IGSF21: variants seen among roughly 807,000 people sequenced by gnomAD.
The protein encoded by IGSF21 is immunoglobulin superfamily member 21.
In IGSF21, 28 loss-of-function variants were observed where a neutral mutation model predicts 46.8. The observed-to-expected ratio is 0.60, with a 90% confidence interval of 0.44 to 0.82. IGSF21 has a LOEUF of 0.82. IGSF21 is among the 40% of genes least tolerant of loss of function. The probability of loss-of-function intolerance (pLI) is 0.00; values close to 1 mark genes in which losing one functional copy is unlikely to be tolerated. For missense variants in IGSF21, 624 were observed against 665.5 expected, an observed-to-expected ratio of 0.94 and a Z score of 0.69; for synonymous variants, 284 against 273.6, an observed-to-expected ratio of 1.04 and a Z score of -0.38.
chr1:18,355,291 G>T (rs1282927161), intron 4 of IGSF21, among the ~76,000 whole-genome samples: 2 of 152,226 alleles, frequency 1.3e-5, no homozygotes, highest in Non-Finnish European at 2.9e-5. Flanking sequence ...GATTTACAGA[G>T]CAAAGAGGAG....
At chr1:18,154,266 G>A (rs1289738516) in intron 1 of IGSF21, among the ~76,000 whole-genome samples, 1 of 152,102 alleles carries the variant, frequency 6.6e-6, no homozygotes, top group East Asian at 1.9e-4. Flanking sequence ...ACTTGGATGG[G>A]ATTTGATTTG....
At chr1:18,280,499 T>TAA (rs2085148522) in intron 2 of IGSF21, among the ~76,000 whole-genome samples, 1 of 152,164 alleles carries the variant, frequency 6.6e-6, no homozygotes, top group African/African-American at 2.4e-5. Context: ...ATTTTACAGC[T>TAA]AACAGCACTC....
chr1:18,267,782 A>G (rs1404890690), intron 2 of IGSF21, among the ~76,000 whole-genome samples: 4 of 152,194 alleles, frequency 2.6e-5, no homozygotes, highest in African/African-American at 9.7e-5. Context: ...ACAGGCCTCT[A>G]GGAGAGAAGG....
intron 4 of IGSF21, among the ~76,000 whole-genome samples, chr1:18,359,448 A>C (rs2086074037): frequency 7.1e-6 from 1 of 140,540 alleles, no homozygotes; most frequent in Admixed American, 7.4e-5. Flanking sequence ...GGAAAAGAGA[A>C]AGAAAGAAAG....
intron 1 of IGSF21, among the ~76,000 whole-genome samples, chr1:18,224,077 G>C (rs537191740): frequency 6.6e-4 from 100 of 152,254 alleles, no homozygotes; most frequent in African/African-American, 2.3e-3. Context: ...AGGTGCACAG[G>C]GGGTAACATT....
rs137936937 is a variant in IGSF21 at position 18,172,805 on chromosome 1, G to A, written c.71-55093G>A. ...GAAAAATTAAACTCACAGATGTGAA[G>A]TGACTTGCCCAAATCACATCACTTG... On this transcript the variant is annotated intron_variant, in intron 1 of 9. Coordinates refer to ENST00000251296, the MANE Select transcript of IGSF21 (RefSeq NM_032880.5). Among the ~76,000 whole-genome samples the A allele has an allele frequency of 8.7e-4, 133 of 152,298 alleles. 1 individual carries two copies. Among genetic ancestry groups the A allele is most frequent in the Non-Finnish European group, 4.0e-4 (27 of 68,032 alleles).
intron 1 of IGSF21, among the ~76,000 whole-genome samples, chr1:18,226,560 C>T (rs2124505435): frequency 6.6e-6 from 1 of 152,340 alleles, no homozygotes; most frequent in African/African-American, 2.4e-5. Flanking sequence ...AGCTCCTTGC[C>T]TTGCCCCTCA....
intron 1 of IGSF21, among the ~76,000 whole-genome samples, chr1:18,177,395 GT>G (rs752847377): frequency 0.36 from 30,047 of 83,136 alleles, 3,785 homozygotes; most frequent in Middle Eastern, 0.46. Flanking sequence ...TCAGTGAGGT[GT>G]GTGTGTGTGT....
intron 3 of IGSF21, among the ~76,000 whole-genome samples, chr1:18,306,036 C>T (rs2085422895): frequency 2.6e-5 from 4 of 152,198 alleles, no homozygotes; most frequent in Admixed American, 2.6e-4. Context: ...TGAGTTTCTT[C>T]TACACCCACC....
At chr1:18,309,356 A>C (rs2085457892) in intron 3 of IGSF21, among the ~76,000 whole-genome samples, 2 of 152,158 alleles carry the variant, frequency 1.3e-5, no homozygotes, top group South Asian at 4.1e-4. Context: ...GAACTCAGCC[A>C]TGGAGGGGAT....
chr1:18,220,837 T>G (rs761101520), intron 1 of IGSF21, among the ~76,000 whole-genome samples: 2 of 152,094 alleles, frequency 1.3e-5, no homozygotes, highest in Non-Finnish European at 2.9e-5. Flanking sequence ...AGGCTGTGTG[T>G]GCAGGAGAGC....
chr1:18,185,998 A>C (rs745825239), intron 1 of IGSF21, among the ~76,000 whole-genome samples: 1 of 152,180 alleles, frequency 6.6e-6, no homozygotes, highest in African/African-American at 2.4e-5. Context: ...TGCCTAGCCA[A>C]ATGCCAAAGC....
intron 1 of IGSF21, among the ~76,000 whole-genome samples, chr1:18,222,766 A>G (rs968832760): frequency 6.6e-6 from 1 of 152,198 alleles, no homozygotes; most frequent in Non-Finnish European, 1.5e-5. Context: ...GGTATGTGGA[A>G]GATGATGGAA....
In IGSF21 at chr1:18,208,903, T is replaced by G. The variant is rs941877725; in HGVS notation, c.71-18995T>G. On this transcript the variant is annotated intron_variant, in intron 1 of 9. Coordinates refer to ENST00000251296, the MANE Select transcript of IGSF21 (RefSeq NM_032880.5). ...TGTCAGAAACATCATGCTGAGAACGTGTAGCCAGATGCAAAGGGGCACATA... is the reference window on the plus strand; with the variant it reads ...TGTCAGAAACATCATGCTGAGAACGGGTAGCCAGATGCAAAGGGGCACATA... 2.6e-5 allele frequency among the ~76,000 whole-genome samples: 4 copies of G among 152,240 alleles called. No individual in the cohort carries two copies. In the South Asian group the frequency reaches 8.3e-4, roughly 32 times the overall value.
intron 1 of IGSF21, among the ~76,000 whole-genome samples, chr1:18,132,168 AATGGATGGATGGATGGATGG>A (rs3045379): frequency 6.6e-6 from 1 of 151,072 alleles, no homozygotes; most frequent in Non-Finnish European, 1.5e-5. Context: ...TATCTGGATG[AATGGATGGATGGATGGATGG>A]ATGGATGGAT....
At chr1:18,291,401 T>A (rs555955288) in intron 2 of IGSF21, among the ~76,000 whole-genome samples, 37 of 152,214 alleles carry the variant, frequency 2.4e-4, no homozygotes, top group Non-Finnish European at 5.1e-4. Flanking sequence ...CCCCTTTCGA[T>A]TCATCCTCAA....
At chr1:18,336,404 C>T (rs77757128) in intron 4 of IGSF21, among the ~76,000 whole-genome samples, 1,797 of 152,280 alleles carry the variant, frequency 0.012, 35 homozygotes, top group African/African-American at 0.041. Context: ...TCCAAGGGTA[C>T]GTGCTAGCAT....
In IGSF21 at chr1:18,376,835, G is replaced by T. The variant is rs368139540; in HGVS notation, c.1137G>T (p.Thr379=). The stretch of plus-strand genomic sequence containing the variant: ...TCCCGGAGCCCATGTTCACGTGGAC[G>T]CGGGTTGGGAGCCGCCTCCTGGACG... ...EVFPEPMFTW[T]RVGSRLLDGS... is the part of the protein sequence containing the mutation. The change falls in exon 8 of 10, where the codon ACG becomes ACT. Residue 379 remains threonine, a synonymous_variant. Coordinates refer to ENST00000251296, the MANE Select transcript of IGSF21 (RefSeq NM_032880.5). 2 of 1,605,224 alleles carry T rather than the reference G, an allele frequency of 1.2e-6. No homozygotes were observed. The highest frequency in any genetic ancestry group is 2.7e-5 in the African/African-American group (2 of 74,790).
At chr1:18,370,479 G>A (rs2086214006) in intron 6 of IGSF21, among the ~76,000 whole-genome samples, 3 of 152,192 alleles carry the variant, frequency 2.0e-5, no homozygotes, top group Non-Finnish European at 4.4e-5. Context: ...TTTAAAAGTA[G>A]AAGTCAGCAT....
Sources: gnomAD v4.1 joint callset for allele counts (sites outside exome capture counted in the v4.1 genomes callset) on GRCh38, gnomAD v4.1.1 for gene constraint, MANE v1.5 for transcripts, NCBI Gene and HGNC (gene_info 2026-07-23, HGNC 2026-07-21) for gene names.